Variants in MSTO1 observed in about 807,000 individuals in gnomAD.
MSTO1 encodes misato mitochondrial distribution and morphology regulator 1.
A neutral mutation model predicts 55.7 loss-of-function variants in MSTO1; 24 were observed. The observed-to-expected ratio is 0.43, with a 90% CI of 0.31 to 0.61. MSTO1 has a LOEUF of 0.61. MSTO1 is among the 20% of genes least tolerant of loss of function. The pLI is 0.09. For synonymous variants in MSTO1, 162 were observed against 252.8 expected (o/e 0.64, Z 3.41); for missense variants, 363 against 625.7 (o/e 0.58, Z 4.48).
At chr1:155,573,033 G>A in the MSTO1 span, among the ~76,000 whole-genome samples, 4 of 152,260 alleles carry the variant, frequency 2.6e-5, no homozygotes, top group African/African-American at 9.6e-5. Flanking sequence ...ATCTCGCACA[G>A]TGGCTTTTTG....
At chr1:155,567,449 C>T in the MSTO1 span, among the ~76,000 whole-genome samples, 2 of 151,666 alleles carry the variant, frequency 1.3e-5, no homozygotes, top group Non-Finnish European at 2.9e-5. Context: ...GTAGCTGGGA[C>T]TACAGGCGCC....
the MSTO1 span, among the ~76,000 whole-genome samples, chr1:155,590,085 CA>C: frequency 6.6e-6 from 1 of 152,002 alleles, no homozygotes; most frequent in African/African-American, 2.4e-5. Flanking sequence ...CCTGACCCTG[CA>C]AGGTGGACAT....
At chr1:155,608,693 G>A (rs1168547041), upstream of MSTO1, among the ~76,000 whole-genome samples, 1 of 151,532 alleles carries the variant, frequency 6.6e-6, no homozygotes, top group African/African-American at 2.4e-5. Context: ...TAGTAGAGAC[G>A]GGGTTTCACC....
At chr1:155,609,992 C>A (rs368403606), upstream of MSTO1, 6 of 507,630 alleles carry the variant, frequency 1.2e-5, no homozygotes, top group Non-Finnish European at 2.1e-5. Context: ...GCGCCCACCC[C>A]GCTCCAACGT....
the MSTO1 span, among the ~76,000 whole-genome samples, chr1:155,585,522 CA>C: frequency 0.043 from 2,438 of 56,916 alleles, 38 homozygotes; most frequent in African/African-American, 0.13. Context: ...GACTCCGTCT[CA>C]AAAAAAAAAA....
the MSTO1 span, among the ~76,000 whole-genome samples, chr1:155,588,423 G>A: frequency 6.6e-6 from 1 of 151,966 alleles, no homozygotes; most frequent in East Asian, 1.9e-4. Context: ...GTATTATTAT[G>A]TGCCAGGTAC....
chr1:155,602,040 C>T, the MSTO1 span: 213 of 566,086 alleles, frequency 3.8e-4, 1 homozygote, highest in South Asian at 2.5e-3. Flanking sequence ...AGGTATGAGC[C>T]GCCGCGCCCG....
the MSTO1 span, among the ~76,000 whole-genome samples, chr1:155,604,571 T>C: frequency 2.0e-5 from 3 of 152,142 alleles, no homozygotes; most frequent in Non-Finnish European, 4.4e-5. Flanking sequence ...AAACAAAAAT[T>C]TTGTACGTTG....
the MSTO1 span, among the ~76,000 whole-genome samples, chr1:155,587,258 T>G: frequency 6.6e-6 from 1 of 150,656 alleles, no homozygotes; most frequent in African/African-American, 2.4e-5. Context: ...ATAGCCAACA[T>G]GGGGAAACCC....
the MSTO1 span, among the ~76,000 whole-genome samples, chr1:155,603,623 C>A: frequency 1.3e-5 from 2 of 151,944 alleles, no homozygotes; most frequent in Admixed American, 1.3e-4. Flanking sequence ...TTTGGGAGGC[C>A]AAGGCAGGTG....
chr1:155,598,705 G>A, the MSTO1 span: 1 of 486,982 alleles, frequency 2.1e-6, no homozygotes. Context: ...CTGGAGAACA[G>A]AGCGAGACCC....
the MSTO1 span, among the ~76,000 whole-genome samples, chr1:155,599,903 G>C: frequency 1.3e-5 from 2 of 152,198 alleles, no homozygotes; most frequent in Non-Finnish European, 2.9e-5. Flanking sequence ...ATTGCTGCCC[G>C]CATGTCCCAC....
At chr1:155,567,125 T>G in the MSTO1 span, among the ~76,000 whole-genome samples, 5 of 151,210 alleles carry the variant, frequency 3.3e-5, no homozygotes, top group African/African-American at 1.2e-4. Flanking sequence ...ATCATAAGAG[T>G]TGGTTTTTTT....
the MSTO1 span, among the ~76,000 whole-genome samples, chr1:155,569,111 C>T: frequency 1.5e-3 from 234 of 151,942 alleles, no homozygotes; most frequent in African/African-American, 5.5e-3. Context: ...GCCTCGGCCT[C>T]CCAAGGGTTT....
the MSTO1 span, among the ~76,000 whole-genome samples, chr1:155,601,885 G>T: frequency 6.6e-6 from 1 of 151,998 alleles, no homozygotes; most frequent in Non-Finnish European, 1.5e-5. Flanking sequence ...CTCCCAAGTA[G>T]CTGGGACTAC....
intron 9 of MSTO1, 66 bp downstream of exon 9, chr1:155,612,636 C>A: frequency 1.3e-6 from 2 of 1,535,354 alleles, no homozygotes; most frequent in South Asian, 1.2e-5. Flanking sequence ...CCCAGTCAGC[C>A]GCTGTCTGTT....
In MSTO1 at chr1:155,614,596, C is replaced by G. The variant is rs1311822986; in HGVS notation, c.*323C>G. ...CCATCCTCCAGCCTTTGTCCTTGTC[C>G]TGGCCTCCTGCTCTCCAGATCTGTA... On this transcript the variant is annotated 3_prime_UTR_variant, in exon 14 of 14. Transcript: ENST00000245564. 1 of 655,754 alleles carries G rather than the reference C, an allele frequency of 1.5e-6. No individual in the cohort carries two copies. Among genetic ancestry groups the G allele is most frequent in the Non-Finnish European group, 2.8e-6 (1 of 356,174 alleles). The allele number at this position is 655,754 out of a possible 1,614,324, so 40.6% of individuals were successfully genotyped here.
the MSTO1 span, among the ~76,000 whole-genome samples, chr1:155,600,003 G>C: frequency 3.9e-5 from 6 of 152,172 alleles, no homozygotes; most frequent in East Asian, 3.8e-4. Context: ...CAGGGACGGG[G>C]AGGAGACAGA....
the MSTO1 span, among the ~76,000 whole-genome samples, chr1:155,574,802 C>T: frequency 6.6e-6 from 1 of 151,636 alleles, no homozygotes; most frequent in South Asian, 2.1e-4. Flanking sequence ...TCCTGGTCTC[C>T]GAAAGTGCTG....
Sources: allele counts gnomAD v4.1 joint callset (sites outside exome capture counted in the v4.1 genomes callset), GRCh38; gene constraint gnomAD v4.1.1; transcripts MANE v1.5; gene names NCBI Gene and HGNC (gene_info 2026-07-23, HGNC 2026-07-21).